The following TRPC6 variants were observed in gnomAD, a reference collection of about 807,000 sequenced individuals.
The protein encoded by TRPC6 is short transient receptor potential channel 6.
TRPC6 carries 55 observed loss-of-function variants against 90.7 expected under a neutral mutation model. The ratio of observed to expected loss-of-function variants is 0.61; its 90% CI spans 0.49 to 0.76. The LOEUF (loss-of-function observed/expected upper bound fraction) is 0.76. TRPC6 is among the 30% of genes least tolerant of loss of function. The probability of loss-of-function intolerance (pLI) is 0.00; values close to 1 mark genes in which losing one functional copy is unlikely to be tolerated. For missense variants in TRPC6, 989 were observed against 1,122.7 expected (o/e 0.88, Z 1.70); for synonymous variants, 393 against 393.0 (o/e 1.00, Z 0.00).
chr11:101,576,043 T>C (rs1862062787), intron 1 of TRPC6, among the ~76,000 whole-genome samples: 1 of 152,164 alleles, frequency 6.6e-6, no homozygotes, highest in East Asian at 1.9e-4. Flanking sequence ...AGCCCCATGG[T>C]CCACGTGTTC....
At chr11:101,462,217 C>T (rs569620854) in intron 10 of TRPC6, among the ~76,000 whole-genome samples, 2 of 152,210 alleles carry the variant, frequency 1.3e-5, no homozygotes, top group South Asian at 2.1e-4. Context: ...TTACTGTAGC[C>T]TTGTAGTATA....
chr11:101,496,712 C>T (rs146533986), intron 2 of TRPC6, among the ~76,000 whole-genome samples: 12 of 152,074 alleles, frequency 7.9e-5, no homozygotes, highest in East Asian at 7.7e-4. Context: ...GCTTGGAGAG[C>T]GGCGATGAAG....
Position 101,574,671 on chromosome 11 carries a change from C to T in TRPC6, c.170+8663G>A, listed in dbSNP as rs1487344006. Among the ~76,000 whole-genome samples the T allele has an allele frequency of 2.0e-5, 3 of 151,560 alleles. 1 individual carries two copies. The highest frequency in any genetic ancestry group is 7.3e-5 in the African/African-American group (3 of 40,970). ...TGGGGATTTTCTTACTGCCCAGGATCAGCTTTTTATAGCTGCTTCTGCCAC... is the reference window on the plus strand; with the variant it reads ...TGGGGATTTTCTTACTGCCCAGGATTAGCTTTTTATAGCTGCTTCTGCCAC... On this transcript the variant is annotated intron_variant, in intron 1 of 12. Coordinates refer to ENST00000344327, the MANE Select transcript of TRPC6 (RefSeq NM_004621.6).
chr11:101,581,168 TTAAAA>T (rs968881832), intron 1 of TRPC6, among the ~76,000 whole-genome samples: 1 of 152,202 alleles, frequency 6.6e-6, no homozygotes, highest in African/African-American at 2.4e-5. Context: ...TTGAAGCACA[TTAAAA>T]TATTTCTGTT....
chr11:101,540,203 A>G (rs1861137804), intron 1 of TRPC6, among the ~76,000 whole-genome samples: 1 of 152,236 alleles, frequency 6.6e-6, no homozygotes, highest in Admixed American at 6.5e-5. Flanking sequence ...GGGTACACAC[A>G]GAGAAGACTG....
At chr11:101,461,849 C>T (rs1007855585) in intron 10 of TRPC6, among the ~76,000 whole-genome samples, 1 of 152,146 alleles carries the variant, frequency 6.6e-6, no homozygotes, top group African/African-American at 2.4e-5. Context: ...GGTTAACACA[C>T]CATGACCAAC....
intron 8 of TRPC6, among the ~76,000 whole-genome samples, 153 bp downstream of exon 8, chr11:101,471,984 A>G (rs979797709): frequency 1.3e-5 from 2 of 152,210 alleles, no homozygotes; most frequent in African/African-American, 2.4e-5. Context: ...GCAAAGAGTT[A>G]AAATTTTCCA....
At chr11:101,456,667 C>G (rs1321834707) in intron 10 of TRPC6, among the ~76,000 whole-genome samples, 4 of 152,304 alleles carry the variant, frequency 2.6e-5, no homozygotes, top group South Asian at 2.1e-4. Flanking sequence ...CCACCACCCC[C>G]TATTGTGCCA....
chr11:101,556,733 C>T (rs55773425), intron 1 of TRPC6, among the ~76,000 whole-genome samples: 11,186 of 152,188 alleles, frequency 0.074, 563 homozygotes, highest in Non-Finnish European at 0.11. Context: ...GATACCAAAG[C>T]CAGATGAGAG....
chr11:101,516,820 G>C (rs1860534180), intron 1 of TRPC6, among the ~76,000 whole-genome samples: 1 of 152,210 alleles, frequency 6.6e-6, no homozygotes, highest in African/African-American at 2.4e-5. Flanking sequence ...ATCTGGCCAT[G>C]CATCTGCTGC....
At chr11:101,455,948 C>T (rs1300326508) in intron 10 of TRPC6, among the ~76,000 whole-genome samples, 1 of 151,974 alleles carries the variant, frequency 6.6e-6, no homozygotes, top group Non-Finnish European at 1.5e-5. Flanking sequence ...GTTATGGTAA[C>T]AGCTCAATTA....
At position 101,475,965 on chromosome 11, in the gene TRPC6, T is replaced by C. The variant is rs943859689; in HGVS notation, c.1744+336A>G. Among the ~76,000 whole-genome samples, 5 of 151,178 alleles carry C rather than the reference T, an allele frequency of 3.3e-5. No individual in the cohort carries two copies. The South Asian group carries it at 6.3e-4, about 19-fold the overall frequency. ...ATACAGAGAGAGAGATACAGAGAGATAGATCAAACGTGAACTATTTTTAAT... is the reference window on the plus strand; with the variant it reads ...ATACAGAGAGAGAGATACAGAGAGACAGATCAAACGTGAACTATTTTTAAT... On this transcript the variant is annotated intron_variant, in intron 6 of 12. Coordinates refer to ENST00000344327, the MANE Select transcript of TRPC6 (RefSeq NM_004621.6).
chr11:101,568,851 C>G (rs1565249423), intron 1 of TRPC6, among the ~76,000 whole-genome samples: 1 of 152,178 alleles, frequency 6.6e-6, no homozygotes, highest in African/African-American at 2.4e-5. Context: ...CTTATAAGAG[C>G]TCCTGAAGGA....
At chr11:101,535,432 T>G (rs2136807693) in intron 1 of TRPC6, among the ~76,000 whole-genome samples, 1 of 152,132 alleles carries the variant, frequency 6.6e-6, no homozygotes, top group Non-Finnish European at 1.5e-5. Context: ...TTACTGAAAG[T>G]ACTCATAAAA....
rs1862253179 is a variant in TRPC6, at chr11:101,583,525, T to C, written c.-22A>G. 2 of 1,435,480 alleles carry C rather than the reference T, an allele frequency of 1.4e-6. No homozygotes were observed. The allele number at this position is 1,435,480 out of a possible 1,614,324, so 88.9% of individuals were successfully genotyped here. A position where few individuals can be genotyped will look rare whatever the true frequency, so the allele number is the denominator to read the frequency against. ...TCATGGCGGGAACGCCCGACTGGCC[T>C]GGGCCCCGCTCCCGGGGGAGCCGAG... is the stretch of plus-strand genomic sequence containing the variant. On this transcript the variant is annotated 5_prime_UTR_variant, in exon 1 of 13. Coordinates refer to ENST00000344327, the MANE Select transcript of TRPC6 (RefSeq NM_004621.6).
intron 1 of TRPC6, among the ~76,000 whole-genome samples, chr11:101,546,050 CTTTTTTTTTTTTT>C (rs1166182552): frequency 1.0e-4 from 3 of 29,724 alleles, no homozygotes; most frequent in African/African-American, 1.3e-4. Flanking sequence ...ATTTATAACT[CTTTTTTTTTTTTT>C]TTTTTTTTTT....
At chr11:101,514,630 T>G (rs1860475454) in intron 1 of TRPC6, among the ~76,000 whole-genome samples, 1 of 152,188 alleles carries the variant, frequency 6.6e-6, no homozygotes, top group Non-Finnish European at 1.5e-5. Flanking sequence ...AAGCTAAACA[T>G]CCATTGATAT....
At chr11:101,580,259 A>C (rs1368738722) in intron 1 of TRPC6, among the ~76,000 whole-genome samples, 1 of 152,172 alleles carries the variant, frequency 6.6e-6, no homozygotes, top group African/African-American at 2.4e-5. Context: ...TTCAGCAGTG[A>C]TGAACTGTAA....
At position 101,504,297 on chromosome 11, in the gene TRPC6, A is replaced by G; in HGVS notation, c.672T>C (p.Ile224=). ...CATATTCCTGGCAGTGGGCAGCCAG[A>G]ATGATTGGAGTCACATCATGGGAGA... ...TRFSHDVTPI[I]LAAHCQEYEI... The change falls in exon 2 of 13, where the codon ATT becomes ATC. Residue 224 remains isoleucine (I), a synonymous_variant. Transcript: ENST00000344327. The G allele has an allele frequency of 1.2e-6, 2 of 1,613,226 alleles. No individual in the cohort carries two copies. The highest frequency in any genetic ancestry group is 1.7e-6 in the Non-Finnish European group (2 of 1,179,204).
Sources: gnomAD v4.1 joint callset for allele counts (sites outside exome capture counted in the v4.1 genomes callset) on GRCh38, gnomAD v4.1.1 for gene constraint, MANE v1.5 for transcripts, NCBI Gene and HGNC (gene_info 2026-07-23, HGNC 2026-07-21) for gene names.